YTHDF2: variants seen among roughly 807,000 people sequenced by gnomAD.
YTHDF2 encodes YTH domain-containing family protein 2.
Under a neutral mutation model 50.4 loss-of-function variants are expected in YTHDF2, and 2 were observed. The observed-to-expected ratio is 0.04, with a 90% CI of 0.02 to 0.12. YTHDF2 has a LOEUF of 0.12. Ranked by LOEUF, YTHDF2 falls within the 10% of genes least tolerant of loss-of-function variation. YTHDF2 has a pLI of 1.00. For synonymous variants in YTHDF2, 217 were observed against 255.6 expected, an observed-to-expected ratio of 0.85 and a Z score of 1.44; for missense variants, 483 against 722.6, an observed-to-expected ratio of 0.67 and a Z score of 3.80.
chr1:28,766,367 T>G (rs961194219), intron 4 of YTHDF2, among the ~76,000 whole-genome samples: 1 of 152,152 alleles, frequency 6.6e-6, no homozygotes, highest in Admixed American at 6.5e-5. Flanking sequence ...TCTGCCAGCT[T>G]CCGCCTCCCA....
At chr1:28,737,549 C>G in intron 1 of YTHDF2, 109 bp from the exon 2 acceptor site, 4 of 1,483,912 alleles carry the variant, frequency 2.7e-6, no homozygotes, top group South Asian at 2.4e-5. Flanking sequence ...GACGCCTCCC[C>G]TCGGGCCTGC....
intron 4 of YTHDF2, among the ~76,000 whole-genome samples, chr1:28,749,508 G>A (rs916861268): frequency 6.6e-6 from 1 of 152,110 alleles, no homozygotes; most frequent in African/African-American, 2.4e-5. Flanking sequence ...CTCAACTTTG[G>A]AATAGTCTGG....
intron 3 of YTHDF2, 138 bp downstream of exon 3, chr1:28,738,476 G>A (rs2087728969): frequency 2.5e-6 from 2 of 792,614 alleles, no homozygotes; most frequent in South Asian, 1.8e-5. Context: ...ACTGAGTCTC[G>A]CTCTGACGCC....
intron 4 of YTHDF2, among the ~76,000 whole-genome samples, chr1:28,744,275 A>C (rs1485220452): frequency 1.5e-5 from 2 of 133,032 alleles, no homozygotes; most frequent in Non-Finnish European, 3.6e-5. Flanking sequence ...AGAATGAGTC[A>C]AAGAGATGCA....
intron 3 of YTHDF2, among the ~76,000 whole-genome samples, chr1:28,740,149 A>G (rs1392851229): frequency 6.6e-6 from 1 of 152,260 alleles, no homozygotes; most frequent in East Asian, 1.9e-4. Context: ...TTAATCAGGA[A>G]AAGTAGGGAA....
intron 3 of YTHDF2, among the ~76,000 whole-genome samples, chr1:28,738,732 C>G (rs1057471133): frequency 1.3e-5 from 2 of 152,224 alleles, no homozygotes; most frequent in Non-Finnish European, 2.9e-5. Flanking sequence ...AGCCACCACG[C>G]CTAGCCGAGG....
At chr1:28,748,766 C>T (rs1435737168) in intron 4 of YTHDF2, among the ~76,000 whole-genome samples, 1 of 152,098 alleles carries the variant, frequency 6.6e-6, no homozygotes, top group African/African-American at 2.4e-5. Context: ...GACCTTTCTG[C>T]GTTTATTTAG....
At chr1:28,746,479 C>T (rs1010152319) in intron 4 of YTHDF2, among the ~76,000 whole-genome samples, 1 of 151,800 alleles carries the variant, frequency 6.6e-6, no homozygotes, top group Non-Finnish European at 1.5e-5. Context: ...GTGGCTCATG[C>T]TTGTAATCCC....
intron 4 of YTHDF2, among the ~76,000 whole-genome samples, chr1:28,745,890 T>C (rs1230364814): frequency 6.6e-6 from 1 of 151,694 alleles, no homozygotes; most frequent in Non-Finnish European, 1.5e-5. Context: ...AAAGAAAAAA[T>C]TAGCTGGGCA....
intron 4 of YTHDF2, among the ~76,000 whole-genome samples, chr1:28,749,412 C>T (rs1217195708): frequency 6.6e-6 from 1 of 152,026 alleles, no homozygotes; most frequent in Admixed American, 6.6e-5. Flanking sequence ...GATCTCCTGA[C>T]CTCATGATCT....
intron 4 of YTHDF2, among the ~76,000 whole-genome samples, chr1:28,748,859 C>T (rs1450369194): frequency 1.3e-5 from 2 of 152,112 alleles, no homozygotes; most frequent in African/African-American, 4.8e-5. Flanking sequence ...ATTTACCAAT[C>T]CCTAATTGTT....
At position 28,742,750 on chromosome 1, in the gene YTHDF2, A is replaced by G. The variant is rs1259452757; in HGVS notation, c.480A>G (p.Leu160=). 8.1e-6 allele frequency: 13 copies of G among 1,614,198 alleles called. No homozygotes were observed. Among genetic ancestry groups the G allele is most frequent in the Non-Finnish European group, 1.1e-5 (13 of 1,180,050 alleles). The change falls in exon 4 of 5, where the codon TTA becomes TTG. Residue 160 remains leucine, a synonymous_variant. Coordinates refer to ENST00000373812, the MANE Select transcript of YTHDF2 (RefSeq NM_016258.3). ...SSNYAYAPSS[L]GGAMIDGQSA... ...ATTATGCTTATGCACCTAGCTCCTT[A>G]GGTGGAGCCATGATTGATGGACAGT... is the stretch of plus-strand genomic sequence containing the variant.
chr1:28,764,408 T>C (rs9426301), intron 4 of YTHDF2, among the ~76,000 whole-genome samples: 56,109 of 151,666 alleles, frequency 0.37, 10,597 homozygotes, highest in African/African-American at 0.43. Context: ...ATGGCTGGGA[T>C]TACAGGCGCC....
At chr1:28,767,729 C>T (rs901653496) in intron 4 of YTHDF2, among the ~76,000 whole-genome samples, 13 of 150,646 alleles carry the variant, frequency 8.6e-5, no homozygotes, top group African/African-American at 2.9e-4. Flanking sequence ...GGGATGGTCT[C>T]GATCTCCTGA....
chr1:28,746,339 AGTT>A (rs966101335), intron 4 of YTHDF2, among the ~76,000 whole-genome samples: 19 of 152,288 alleles, frequency 1.2e-4, no homozygotes, highest in Admixed American at 7.2e-4. Context: ...TGCACAGCAT[AGTT>A]GTTAAGATAG....
At chr1:28,763,378 A>G (rs552412534) in intron 4 of YTHDF2, among the ~76,000 whole-genome samples, 2 of 152,158 alleles carry the variant, frequency 1.3e-5, no homozygotes, top group East Asian at 3.9e-4. Context: ...GGTTCAAACA[A>G]TTCTCCTGCC....
chr1:28,758,377 T>C (rs946174969), intron 4 of YTHDF2, among the ~76,000 whole-genome samples: 4 of 152,144 alleles, frequency 2.6e-5, no homozygotes, highest in Non-Finnish European at 5.9e-5. Context: ...AAAAAACTAA[T>C]AATAATAAAA....
intron 4 of YTHDF2, among the ~76,000 whole-genome samples, chr1:28,748,499 G>C (rs2087898431): frequency 6.6e-6 from 1 of 152,208 alleles, no homozygotes; most frequent in African/African-American, 2.4e-5. Context: ...CTGTTTTAAA[G>C]TTCCATGATT....
At chr1:28,754,983 AAGG>A (rs2088014918) in intron 4 of YTHDF2, among the ~76,000 whole-genome samples, 1 of 131,356 alleles carries the variant, frequency 7.6e-6, no homozygotes, top group Non-Finnish European at 1.6e-5. Context: ...AAAAAAAAAA[AAGG>A]GGTGGGAGAT....
Sources: gnomAD v4.1 joint callset for allele counts (sites outside exome capture counted in the v4.1 genomes callset) on GRCh38, gnomAD v4.1.1 for gene constraint, MANE v1.5 for transcripts, NCBI Gene and HGNC (gene_info 2026-07-23, HGNC 2026-07-21) for gene names.